KCNQ1: variants seen among roughly 807,000 people sequenced by gnomAD.
KCNQ1 encodes potassium voltage-gated channel subfamily Q member 1.
A neutral mutation model predicts 72.4 loss-of-function variants in KCNQ1; 49 were observed. That is an observed-to-expected ratio of 0.68 (90% CI 0.54 to 0.86). The LOEUF is 0.86. KCNQ1 is among the 40% of genes least tolerant of loss of function. The pLI, the probability that KCNQ1 is intolerant of heterozygous loss-of-function variation, is 0.00. For missense variants in KCNQ1, 790 were observed against 945.1 expected, an observed-to-expected ratio of 0.84 and a Z score of 2.15; for synonymous variants, 450 against 412.6, an observed-to-expected ratio of 1.09 and a Z score of -1.10.
chr11:2,685,940 T>A, intron 11 of KCNQ1: 1 of 398,694 alleles, frequency 2.5e-6, no homozygotes, highest in East Asian at 3.6e-5. Context: ...CACTCTCCCA[T>A]CCTCCTGCTG....
chr11:2,540,420 A>C (rs1376265694), intron 2 of KCNQ1, among the ~76,000 whole-genome samples: 1 of 152,188 alleles, frequency 6.6e-6, no homozygotes, highest in East Asian at 1.9e-4. Flanking sequence ...CTCGGATCCC[A>C]GCCCCCTGTT....
In KCNQ1 at chr11:2,497,528, G is replaced by C. The variant is rs1846943177; in HGVS notation, c.387-30400G>C. Among the ~76,000 whole-genome samples the C allele has an allele frequency of 6.6e-6, 1 of 152,140 alleles. No individual in the cohort carries two copies. The highest frequency in any genetic ancestry group is 1.5e-5 in the Non-Finnish European group (1 of 68,030). On this transcript the variant is annotated intron_variant, in intron 1 of 15. Coordinates refer to ENST00000155840, the MANE Select transcript of KCNQ1 (RefSeq NM_000218.3). This position sits in a 1 kb window ranked among gnomAD's most constrained non-coding sequence, Gnocchi z 4.5. ...TTTTCAGCTCCATGAGGTCATTTAT[G>C]TTCCTCTCTAAACTGGTTATTCTAG...
At position 2,698,265 on chromosome 11, in the gene KCNQ1, C is replaced by T. The variant is rs1179947993; in HGVS notation, c.1514+36184C>T. On this transcript the variant is annotated intron_variant, in intron 11 of 15. Transcript: ENST00000155840. The surrounding 1 kb of genome is among the most constrained non-coding windows in gnomAD (Gnocchi z 5.1). ...GAAAGTTTTTATACTTTGTGATAAT[C>T]TAAGACAGAACTATTCTACCTGGAT... is the stretch of plus-strand genomic sequence containing the variant. 7.5e-6 allele frequency: 3 copies of T among 398,518 alleles called. No homozygotes were observed. The highest frequency in any genetic ancestry group is 1.3e-5 in the Non-Finnish European group (3 of 226,070). 24.7% of individuals were successfully genotyped at this position (398,518 alleles called of 1,614,324 possible).
chr11:2,599,189 A>C lies in KCNQ1; in HGVS notation c.1393+10335A>C, dbSNP rs1848768763. 6.6e-6 allele frequency among the ~76,000 whole-genome samples: 1 copy of C among 152,208 alleles called. No homozygotes were observed. Reference sequence around the variant, plus strand: ...TTACATTTTTCCTGATGTTCATATAATATTCAATGAAATAAAATACATGTG... The same window carrying C: ...TTACATTTTTCCTGATGTTCATATACTATTCAATGAAATAAAATACATGTG... On this transcript the variant is annotated intron_variant, in intron 10 of 15. Coordinates refer to ENST00000155840, the MANE Select transcript of KCNQ1 (RefSeq NM_000218.3). This position sits in a 1 kb window ranked among gnomAD's most constrained non-coding sequence, Gnocchi z 4.7.
chr11:2,656,727 G>A (rs1034979946), intron 10 of KCNQ1: 8 of 398,410 alleles, frequency 2.0e-5, no homozygotes, highest in Admixed American at 1.8e-4. Context: ...TAACTCTAAT[G>A]TCAAATTACT....
In KCNQ1 at chr11:2,710,885, T is replaced by C. The variant is rs369655915; in HGVS notation, c.1514+48804T>C. On this transcript the variant is annotated intron_variant, in intron 11 of 15. Coordinates refer to ENST00000155840, the MANE Select transcript of KCNQ1 (RefSeq NM_000218.3). The surrounding 1 kb of genome is among the most constrained non-coding windows in gnomAD (Gnocchi z 4.1). ...TATCGTCTTGATTGTTATAGCTTTG[T>C]AGTGAGTTTTAAAATTGGAAAGTGG... 3.6e-4 allele frequency among the ~76,000 whole-genome samples: 55 copies of C among 152,372 alleles called. 1 individual carries two copies. Among genetic ancestry groups the C allele is most frequent in the African/African-American group, 1.3e-3 (53 of 41,596 alleles).
In KCNQ1 at chr11:2,661,846, C is replaced by T; in HGVS notation, c.1394-115C>T. 2.9e-6 allele frequency: 4 copies of T among 1,366,636 alleles called. No individual in the cohort carries two copies. Among genetic ancestry groups the T allele is most frequent in the Non-Finnish European group, 4.2e-6 (4 of 961,930 alleles). 84.7% of individuals were successfully genotyped at this position (1,366,636 alleles called of 1,614,324 possible). A position where few individuals can be genotyped will look rare whatever the true frequency, so the allele number is the denominator to read the frequency against. On this transcript the variant is annotated intron_variant, in intron 10 of 15. Coordinates refer to ENST00000155840, the MANE Select transcript of KCNQ1 (RefSeq NM_000218.3). The surrounding 1 kb of genome is among the most constrained non-coding windows in gnomAD (Gnocchi z 5.9). ...ATAAAACTGATTGTCAGGGCTGGAG[C>T]TTCCAGGCACAAGCTCCACTCCTCA...
intron 6 of KCNQ1, among the ~76,000 whole-genome samples, chr11:2,578,757 CAGGCTGGGCTCTCG>C: frequency 6.6e-6 from 1 of 152,356 alleles, no homozygotes; most frequent in Admixed American, 6.5e-5. Context: ...TCCTCACGGG[CAGGCTGGGCTCTCG>C]AGGCTGGGCA....
intron 10 of KCNQ1, chr11:2,616,800 C>T (rs1849072793): frequency 5.0e-6 from 2 of 398,190 alleles, no homozygotes; most frequent in Non-Finnish European, 8.9e-6. Flanking sequence ...CTTTTGTGGC[C>T]TAACATATCA....
intron 1 of KCNQ1, chr11:2,521,374 T>TGG (rs200988578): frequency 2.6e-6 from 1 of 385,330 alleles, no homozygotes; most frequent in South Asian, 1.9e-5. Context: ...GCACTGTGTG[T>TGG]TATCCGGTGT....
At chr11:2,843,142 G>T (rs1019654501) in intron 15 of KCNQ1, among the ~76,000 whole-genome samples, 18 of 152,246 alleles carry the variant, frequency 1.2e-4, no homozygotes, top group African/African-American at 4.3e-4. Flanking sequence ...AGGCCTGGCG[G>T]TAAAACCTCA....
rs1185190198 is a variant in KCNQ1, at chr11:2,570,342, G to C, written c.478-286G>C. ...TGGTGTGGGGCCCCCTCTGGCCAAGGCTGGGGTTCCTGGTGTGGGGCCTCC... is the reference window on the plus strand; with the variant it reads ...TGGTGTGGGGCCCCCTCTGGCCAAGCCTGGGGTTCCTGGTGTGGGGCCTCC... On this transcript the variant is annotated intron_variant, in intron 2 of 15. Coordinates refer to ENST00000155840, the MANE Select transcript of KCNQ1 (RefSeq NM_000218.3). Among the ~76,000 whole-genome samples, 3 of 152,242 alleles carry C rather than the reference G, an allele frequency of 2.0e-5. No individual in the cohort carries two copies. In the South Asian group the frequency reaches 6.2e-4, roughly 32 times the overall value.
intron 8 of KCNQ1, among the ~76,000 whole-genome samples, chr11:2,586,928 G>A (rs957018601): frequency 4.6e-5 from 7 of 152,098 alleles, no homozygotes; most frequent in Admixed American, 3.3e-4. Flanking sequence ...CTCCCCCGCC[G>A]GGTCCCCTGC....
In KCNQ1 at chr11:2,668,384, A is replaced by G. The variant is rs536598259; in HGVS notation, c.1514+6303A>G. 9 of 398,648 alleles carry G rather than the reference A, an allele frequency of 2.3e-5. No individual in the cohort carries two copies. The highest frequency in any genetic ancestry group is 1.8e-4 in the African/African-American group (9 of 48,754). 24.7% of individuals were successfully genotyped at this position (398,648 alleles called of 1,614,324 possible). The stretch of plus-strand genomic sequence containing the variant: ...TTACTCTTAGTGAATACTACCCAGC[A>G]GTCTACCAAAGGAGTCATTCCAATT... On this transcript the variant is annotated intron_variant, in intron 11 of 15. Coordinates refer to ENST00000155840, the MANE Select transcript of KCNQ1 (RefSeq NM_000218.3). The surrounding 1 kb of genome is among the most constrained non-coding windows in gnomAD (Gnocchi z 4.3).
At chr11:2,558,407 G>C (rs1848103531) in intron 2 of KCNQ1, among the ~76,000 whole-genome samples, 1 of 151,728 alleles carries the variant, frequency 6.6e-6, no homozygotes, top group African/African-American at 2.4e-5. Context: ...TTGATTCAGT[G>C]TGCTGGGGGT....
In KCNQ1 at chr11:2,617,465, A is replaced by G. The variant is rs1849085790; in HGVS notation, c.1393+28611A>G. ...CATACACACCACAGTTTAGTCATCCATCAATGGACACGTAAGTTTTCATAT... is the reference window on the plus strand; with the variant it reads ...CATACACACCACAGTTTAGTCATCCGTCAATGGACACGTAAGTTTTCATAT... On this transcript the variant is annotated intron_variant, in intron 10 of 15. Transcript: ENST00000155840. The surrounding 1 kb of genome is among the most constrained non-coding windows in gnomAD (Gnocchi z 4.6). The G allele has an allele frequency of 7.5e-6, 3 of 398,360 alleles. No individual in the cohort carries two copies. Among genetic ancestry groups the G allele is most frequent in the Non-Finnish European group, 1.3e-5 (3 of 225,970 alleles). 24.7% of individuals were successfully genotyped at this position (398,360 alleles called of 1,614,324 possible). A position where few individuals can be genotyped will look rare whatever the true frequency, so the allele number is the denominator to read the frequency against.
chr11:2,529,549 T>C (rs1028611659), intron 2 of KCNQ1, among the ~76,000 whole-genome samples: 2 of 152,142 alleles, frequency 1.3e-5, no homozygotes, highest in Non-Finnish European at 2.9e-5. Context: ...ATAATAATAT[T>C]GAGAGAATAA....
chr11:2,799,177 CA>C (rs1847207261), intron 15 of KCNQ1, among the ~76,000 whole-genome samples: 1 of 152,198 alleles, frequency 6.6e-6, no homozygotes, highest in African/African-American at 2.4e-5. Context: ...GTGTCTGCAT[CA>C]AAGTGAGTGA....
rs76659149 is a variant in KCNQ1, at chr11:2,600,955, C to T, written c.1393+12101C>T. ...ACACAGTGTATCTGCCCCTTATTAACGATGTTATTTTGATCACCAAATTGA... is the reference window on the plus strand; with the variant it reads ...ACACAGTGTATCTGCCCCTTATTAATGATGTTATTTTGATCACCAAATTGA... On this transcript the variant is annotated intron_variant, in intron 10 of 15. Transcript: ENST00000155840. The surrounding 1 kb of genome is among the most constrained non-coding windows in gnomAD (Gnocchi z 5.6). Among the ~76,000 whole-genome samples, 321 of 152,150 alleles carry T rather than the reference C, an allele frequency of 2.1e-3. No individual in the cohort carries two copies. Among genetic ancestry groups the T allele is most frequent in the African/African-American group, 7.2e-3 (298 of 41,518 alleles).
Sources: allele counts gnomAD v4.1 joint callset (sites outside exome capture counted in the v4.1 genomes callset), GRCh38; gene constraint gnomAD v4.1.1; non-coding constraint Gnocchi (gnomAD v3.1); transcripts MANE v1.5; gene names NCBI Gene and HGNC (gene_info 2026-07-23, HGNC 2026-07-21).